PTPRD: variants seen among roughly 807,000 people sequenced by gnomAD.
PTPRD encodes the protein protein tyrosine phosphatase receptor type D, also known as receptor-type tyrosine-protein phosphatase delta.
In PTPRD, 34 loss-of-function variants were observed where a neutral mutation model predicts 214.5. The ratio of observed to expected loss-of-function variants is 0.16; its 90% CI spans 0.12 to 0.21. PTPRD has a LOEUF of 0.21. PTPRD is among the 10% of genes least tolerant of loss of function. PTPRD has a pLI of 1.00. For synonymous variants in PTPRD, 1,128 were observed against 845.7 expected (o/e 1.33, Z -5.79); for missense variants, 2,545 against 2,398.7 (o/e 1.06, Z -1.27).
intron 2 of PTPRD, among the ~76,000 whole-genome samples, chr9:10,612,067 T>A (rs923561372): frequency 6.6e-6 from 1 of 152,114 alleles, no homozygotes; most frequent in African/African-American, 2.4e-5. Flanking sequence ...TTTTTCTAGA[T>A]AACCACCCTT....
chr9:8,690,482 T>C (rs1477944219), intron 12 of PTPRD, among the ~76,000 whole-genome samples: 1 of 151,238 alleles, frequency 6.6e-6, no homozygotes, highest in East Asian at 2.0e-4. Flanking sequence ...TGAGCCAAGA[T>C]TGCACCACTG....
intron 7 of PTPRD, among the ~76,000 whole-genome samples, chr9:9,646,344 G>GTGGGTGT (rs1231408076): frequency 7.4e-6 from 1 of 134,978 alleles, no homozygotes; most frequent in Non-Finnish European, 1.6e-5. Flanking sequence ...TGTGTGTGTG[G>GTGGGTGT]GTGTGTGTGT....
chr9:10,179,635 T>G (rs986847455), intron 3 of PTPRD, among the ~76,000 whole-genome samples: 2 of 152,072 alleles, frequency 1.3e-5, no homozygotes, highest in Non-Finnish European at 2.9e-5. Flanking sequence ...GTTTATTGCA[T>G]GCAATGCAAT....
At chr9:8,741,389 G>T (rs2033554) in intron 11 of PTPRD, among the ~76,000 whole-genome samples, 20,898 of 151,934 alleles carry the variant, frequency 0.14, 1,463 homozygotes, top group Admixed American at 0.17. Flanking sequence ...CAATGAAACG[G>T]TTAAAATACA....
chr9:10,523,439 G>C (rs1356585449), intron 2 of PTPRD, among the ~76,000 whole-genome samples: 2 of 151,386 alleles, frequency 1.3e-5, no homozygotes, highest in East Asian at 2.0e-4. Context: ...TCCCACTTCA[G>C]TCTTTTCTTT....
In PTPRD at chr9:10,519,836, A is replaced by G. The variant is rs573082695; in HGVS notation, c.-600+92562T>C. Among the ~76,000 whole-genome samples the G allele has an allele frequency of 7.1e-4, 108 of 152,164 alleles. 1 individual carries two copies. The highest frequency in any genetic ancestry group is 2.3e-3 in the African/African-American group (95 of 41,510). ...TAAACCATGTCCATATAAAACAGTA[A>G]ACTTGATTAACTAATGTTATGTGTG... On this transcript the variant is annotated intron_variant, in intron 2 of 45. Transcript: ENST00000381196.
chr9:9,246,943 A>C (rs2099973311), intron 9 of PTPRD, among the ~76,000 whole-genome samples: 3 of 152,110 alleles, frequency 2.0e-5, no homozygotes, highest in South Asian at 4.2e-4. Flanking sequence ...GCAACTTCAG[A>C]ACCAAGGTCT....
At chr9:9,524,884 G>A (rs1451570811) in intron 8 of PTPRD, among the ~76,000 whole-genome samples, 2 of 152,180 alleles carry the variant, frequency 1.3e-5, no homozygotes, top group Non-Finnish European at 2.9e-5. Flanking sequence ...TTGAGACGGA[G>A]TCTCGCTCTG....
At chr9:9,914,857 G>A (rs1389535553) in intron 5 of PTPRD, among the ~76,000 whole-genome samples, 2 of 152,040 alleles carry the variant, frequency 1.3e-5, no homozygotes, top group Non-Finnish European at 2.9e-5. Context: ...TATGTCATGG[G>A]CCTGCAAAAC....
At chr9:9,003,666 G>T (rs541298669) in intron 11 of PTPRD, among the ~76,000 whole-genome samples, 1 of 152,002 alleles carries the variant, frequency 6.6e-6, no homozygotes, top group Non-Finnish European at 1.5e-5. Flanking sequence ...GCTGAGCTGG[G>T]CTTTGATATC....
chr9:8,565,270 T>G (rs574029740), intron 14 of PTPRD, among the ~76,000 whole-genome samples: 1 of 152,326 alleles, frequency 6.6e-6, no homozygotes, highest in East Asian at 1.9e-4. Flanking sequence ...CAATGAAGTT[T>G]GAAATGTAAT....
chr9:9,850,028 G>A lies in PTPRD; in HGVS notation c.-367-83177C>T, dbSNP rs190534298. Among the ~76,000 whole-genome samples, 107 of 152,182 alleles carry A rather than the reference G, an allele frequency of 7.0e-4. 1 individual carries two copies. The highest frequency in any genetic ancestry group is 2.5e-3 in the African/African-American group (102 of 41,520). On this transcript the variant is annotated intron_variant, in intron 5 of 45. Coordinates refer to ENST00000381196, the MANE Select transcript of PTPRD (RefSeq NM_002839.4). ...AACACCAGAGCCGGATCATGCTTGC[G>A]TAGTGAACTCACGAACAGAGTAGTT...
At chr9:8,506,532 T>C (rs2097545892) in intron 22 of PTPRD, among the ~76,000 whole-genome samples, 1 of 152,188 alleles carries the variant, frequency 6.6e-6, no homozygotes, top group Non-Finnish European at 1.5e-5. Flanking sequence ...AAATCCCAGC[T>C]CTGCCATCCA....
At chr9:10,258,133 G>A (rs2093423252) in intron 3 of PTPRD, among the ~76,000 whole-genome samples, 1 of 152,192 alleles carries the variant, frequency 6.6e-6, no homozygotes, top group Non-Finnish European at 1.5e-5. Flanking sequence ...AAGATTGGAT[G>A]TATTATCCCA....
intron 9 of PTPRD, among the ~76,000 whole-genome samples, chr9:9,293,902 C>G (rs1249657719): frequency 6.7e-6 from 1 of 149,022 alleles, no homozygotes; most frequent in Non-Finnish European, 1.5e-5. Flanking sequence ...CCTCAGCATT[C>G]AGTTTTTTTT....
At chr9:10,277,652 A>G (rs188511447) in intron 3 of PTPRD, among the ~76,000 whole-genome samples, 82 of 152,348 alleles carry the variant, frequency 5.4e-4, no homozygotes, top group African/African-American at 1.9e-3. Context: ...AACTACTGCT[A>G]TCTGAGTTCT....
At chr9:8,484,057 G>A (rs2135746902) in intron 30 of PTPRD, 62 bp downstream of exon 30, 1 of 1,545,406 alleles carries the variant, frequency 6.5e-7, no homozygotes, top group South Asian at 1.2e-5. Flanking sequence ...ATAATTTTGA[G>A]ATATAATGTT....
At chr9:10,516,270 C>T (rs1423135845) in intron 2 of PTPRD, among the ~76,000 whole-genome samples, 1 of 151,822 alleles carries the variant, frequency 6.6e-6, no homozygotes, top group Non-Finnish European at 1.5e-5. Flanking sequence ...GTCATCCTAA[C>T]TGGCATGAGG....
At chr9:10,340,670 A>T (rs2096921889) in intron 3 of PTPRD, among the ~76,000 whole-genome samples, 1 of 151,918 alleles carries the variant, frequency 6.6e-6, no homozygotes, top group Non-Finnish European at 1.5e-5. Context: ...AGGATTAAAT[A>T]AGATGATTCA....
Sources: allele counts gnomAD v4.1 joint callset (sites outside exome capture counted in the v4.1 genomes callset), GRCh38; gene constraint gnomAD v4.1.1; transcripts MANE v1.5; gene names NCBI Gene and HGNC (gene_info 2026-07-23, HGNC 2026-07-21).